The following KANSL1 variants were observed in gnomAD, a reference collection of about 807,000 sequenced individuals.
KANSL1 encodes MLL1/MLL complex subunit KANSL1.
A neutral mutation model predicts 103.6 loss-of-function variants in KANSL1; 22 were observed. The ratio of observed to expected loss-of-function variants is 0.21; its 90% CI spans 0.15 to 0.30. The LOEUF is 0.30. Among genes scored for constraint, KANSL1 ranks in the 10% least tolerant of loss-of-function variants. The pLI, the probability that KANSL1 is intolerant of heterozygous loss-of-function variation, is 1.00. For missense variants in KANSL1, 1,337 were observed against 1,399.8 expected, an observed-to-expected ratio of 0.96 and a Z score of 0.72; for synonymous variants, 600 against 527.6, an observed-to-expected ratio of 1.14 and a Z score of -1.88.
At chr17:46,135,813 G>C (rs559956721) in intron 2 of KANSL1, among the ~76,000 whole-genome samples, 3 of 150,124 alleles carry the variant, frequency 2.0e-5, no homozygotes, top group Non-Finnish European at 4.4e-5. Flanking sequence ...TTATAGGTGT[G>C]AGCCACTGCA....
chr17:46,125,081 GGAGA>G (rs1388423285), intron 2 of KANSL1, among the ~76,000 whole-genome samples: 39 of 23,662 alleles, frequency 1.6e-3, no homozygotes, highest in South Asian at 3.0e-3. Flanking sequence ...AGGGAGGGAG[GGAGA>G]GAGGGAGGGA....
chr17:46,216,632 CAAA>C (rs1017610781), intron 1 of KANSL1, among the ~76,000 whole-genome samples: 1 of 146,738 alleles, frequency 6.8e-6, no homozygotes, highest in African/African-American at 2.5e-5. Context: ...AAAGATAAAA[CAAA>C]AATCTTGTTA....
intron 1 of KANSL1, among the ~76,000 whole-genome samples, chr17:46,220,219 A>ATTTT (rs113260952): frequency 0.071 from 10,262 of 145,072 alleles, no homozygotes; most frequent in Non-Finnish European, 0.11. Flanking sequence ...GTTCTTTAAA[A>ATTTT]TTTTTTTTTT....
chr17:46,061,703 T>C (rs1041576333), intron 6 of KANSL1, among the ~76,000 whole-genome samples: 6 of 152,100 alleles, frequency 3.9e-5, no homozygotes, highest in Non-Finnish European at 8.8e-5. Context: ...ACATTCAGAG[T>C]TGTAGAGGCC....
chr17:46,207,500 C>A (rs2048008717), intron 1 of KANSL1, among the ~76,000 whole-genome samples: 1 of 149,282 alleles, frequency 6.7e-6, no homozygotes, highest in Middle Eastern at 3.5e-3. Flanking sequence ...CAGAGCAAGA[C>A]TCCATCTCCA....
intron 1 of KANSL1, among the ~76,000 whole-genome samples, chr17:46,184,078 AC>A (rs1330902909): frequency 2.0e-5 from 3 of 152,198 alleles, no homozygotes; most frequent in Non-Finnish European, 4.4e-5. Flanking sequence ...TCACCAACTT[AC>A]TTTTTACCAT....
At chr17:46,184,339 C>G (rs2046922139) in intron 1 of KANSL1, among the ~76,000 whole-genome samples, 1 of 152,204 alleles carries the variant, frequency 6.6e-6, no homozygotes, top group Admixed American at 6.5e-5. Context: ...TGCAGAACCT[C>G]ATTATGTACT....
intron 2 of KANSL1, among the ~76,000 whole-genome samples, chr17:46,126,948 C>G (rs2043590815): frequency 6.6e-6 from 1 of 152,174 alleles, no homozygotes; most frequent in Non-Finnish European, 1.5e-5. Context: ...TAACATCCAG[C>G]TGGATTATGG....
At position 46,050,676 on chromosome 17, in the gene KANSL1, C is replaced by T; in HGVS notation, c.1877G>A (p.Gly626Asp). ...TGCGCAGGAGGGATTCACATCACAG[C>T]CAGGGCGGATTGTGCTGTTCCGGTG... Reference protein sequence around the residue: ...KVHRNSTIRPGCDVNPSCALC... With the variant: ...KVHRNSTIRPDCDVNPSCALC... The change falls in exon 7 of 15, where the codon GGC becomes GAC. Residue 626 changes from glycine to aspartate, a missense_variant. Transcript: ENST00000432791. 2 of 1,613,970 alleles carry T rather than the reference C, an allele frequency of 1.2e-6. No homozygotes were observed. The highest frequency in any genetic ancestry group is 1.1e-5 in the South Asian group (1 of 91,046).
chr17:46,194,929 C>A (rs563306622), upstream of KANSL1, among the ~76,000 whole-genome samples: 1 of 152,370 alleles, frequency 6.6e-6, no homozygotes, highest in East Asian at 1.9e-4. Flanking sequence ...AAATCACACT[C>A]TCAAGCATAG....
At chr17:46,088,575 G>A (rs1384451091) in intron 3 of KANSL1, 1 of 152,104 alleles carries the variant, frequency 6.6e-6, no homozygotes, top group Admixed American at 6.6e-5. Context: ...TAATCTCAAA[G>A]AGTAGTCAGA....
intron 6 of KANSL1, among the ~76,000 whole-genome samples, chr17:46,053,750 C>T (rs952905751): frequency 9.9e-5 from 15 of 152,098 alleles, no homozygotes; most frequent in African/African-American, 3.6e-4. Flanking sequence ...ATATTTAATA[C>T]TTATTAAAGG....
chr17:46,169,340 T>C (rs1275810666), intron 2 of KANSL1, among the ~76,000 whole-genome samples: 6 of 152,158 alleles, frequency 3.9e-5, no homozygotes, highest in Admixed American at 2.6e-4. Context: ...CAAATGATAA[T>C]AGAACTAGGT....
chr17:46,085,566 T>C (rs1037710070), intron 3 of KANSL1, among the ~76,000 whole-genome samples: 1 of 152,192 alleles, frequency 6.6e-6, no homozygotes, highest in African/African-American at 2.4e-5. Flanking sequence ...CACGAATCAC[T>C]GTAACCTCCC....
chr17:46,074,835 T>C (rs2078702742), intron 4 of KANSL1, among the ~76,000 whole-genome samples: 1 of 151,462 alleles, frequency 6.6e-6, no homozygotes, highest in Non-Finnish European at 1.5e-5. Context: ...AAGGGAAAAA[T>C]GCTAATTTTA....
At chr17:46,200,453 T>C (rs1184510677) in intron 1 of KANSL1, among the ~76,000 whole-genome samples, 1 of 152,156 alleles carries the variant, frequency 6.6e-6, no homozygotes, top group Non-Finnish European at 1.5e-5. Flanking sequence ...TTAAAAAATA[T>C]CTTTACAGGC....
At chr17:46,140,468 T>A (rs929757250) in intron 2 of KANSL1, among the ~76,000 whole-genome samples, 5 of 152,054 alleles carry the variant, frequency 3.3e-5, no homozygotes, top group Non-Finnish European at 2.9e-5. Context: ...TAGGAGTAAA[T>A]TCTTCATGAA....
intron 2 of KANSL1, among the ~76,000 whole-genome samples, chr17:46,112,191 A>G (rs959564085): frequency 6.6e-6 from 1 of 151,782 alleles, no homozygotes; most frequent in African/African-American, 2.4e-5. Flanking sequence ...ACATGGTGAA[A>G]CCCCATCTCT....
At chr17:46,157,706 T>C (rs1041805727) in intron 2 of KANSL1, among the ~76,000 whole-genome samples, 4 of 152,254 alleles carry the variant, frequency 2.6e-5, no homozygotes, top group African/African-American at 9.6e-5. Flanking sequence ...CAAGTCAAAT[T>C]ACTTCTGGTA....
Sources: gnomAD v4.1 joint callset for allele counts (sites outside exome capture counted in the v4.1 genomes callset) on GRCh38, gnomAD v4.1.1 for gene constraint, MANE v1.5 for transcripts, NCBI Gene and HGNC (gene_info 2026-07-23, HGNC 2026-07-21) for gene names.